The following MEGF11 variants were observed in gnomAD, a reference collection of about 807,000 sequenced individuals.
MEGF11 encodes multiple EGF like domains 11.
Under a neutral mutation model 146.6 loss-of-function variants are expected in MEGF11, and 126 were observed. The observed-to-expected ratio is 0.86, with a 90% CI of 0.74 to 1.00. The LOEUF (loss-of-function observed/expected upper bound fraction) is 1.00, where lower values mean the gene tolerates loss of function less well. Ranked by LOEUF, MEGF11 falls within the 50% of genes least tolerant of loss-of-function variation. The pLI is 0.00. For synonymous variants in MEGF11, 532 were observed against 583.4 expected, an observed-to-expected ratio of 0.91 and a Z score of 1.27; for missense variants, 1,509 against 1,521.2, an observed-to-expected ratio of 0.99 and a Z score of 0.13.
At chr15:66,195,994 G>T (rs939717970) in intron 1 of MEGF11, among the ~76,000 whole-genome samples, 1 of 152,198 alleles carries the variant, frequency 6.6e-6, no homozygotes, top group Admixed American at 6.5e-5. Context: ...TAACCAGAGC[G>T]GGGTAAGTGG....
chr15:66,077,595 CACTGCTTAG>C (rs2085646579), intron 5 of MEGF11, among the ~76,000 whole-genome samples: 1 of 152,246 alleles, frequency 6.6e-6, no homozygotes, highest in East Asian at 1.9e-4. Context: ...TTCCATGTAA[CACTGCTTAG>C]TACCTTCCAT....
intron 5 of MEGF11, among the ~76,000 whole-genome samples, chr15:66,055,222 T>A (rs547665058): frequency 6.6e-6 from 1 of 152,348 alleles, no homozygotes; most frequent in African/African-American, 2.4e-5. Flanking sequence ...AACCTTTAGA[T>A]TATTTTACGA....
At chr15:65,951,876 C>A (rs2080416094) in intron 10 of MEGF11, among the ~76,000 whole-genome samples, 1 of 151,826 alleles carries the variant, frequency 6.6e-6, no homozygotes, top group African/African-American at 2.4e-5. Context: ...GTGGTACATG[C>A]CTGTATTCTC....
chr15:66,139,609 TAAA>T (rs60872045), intron 1 of MEGF11, among the ~76,000 whole-genome samples: 16 of 142,900 alleles, frequency 1.1e-4, no homozygotes, highest in Admixed American at 2.0e-4. Flanking sequence ...CACAGTAGGA[TAAA>T]AAAAAAAAAA....
At chr15:66,247,449 G>T (rs117403624) in intron 1 of MEGF11, among the ~76,000 whole-genome samples, 2,624 of 152,244 alleles carry the variant, frequency 0.017, 50 homozygotes, top group Non-Finnish European at 0.028. Context: ...GAAAAACAGG[G>T]CTTAAAACGA....
intron 10 of MEGF11, among the ~76,000 whole-genome samples, chr15:65,949,455 G>A (rs1043014342): frequency 2.6e-5 from 4 of 152,234 alleles, no homozygotes; most frequent in African/African-American, 9.6e-5. Context: ...CCAGCATGCA[G>A]GGTTGAATAA....
chr15:66,017,690 G>C (rs980173966), intron 5 of MEGF11, among the ~76,000 whole-genome samples: 1 of 152,214 alleles, frequency 6.6e-6, no homozygotes, highest in Non-Finnish European at 1.5e-5. Context: ...AGGGGTCTGA[G>C]AAGCCGAAGC....
intron 5 of MEGF11, among the ~76,000 whole-genome samples, chr15:66,025,353 T>C (rs1185187946): frequency 6.6e-6 from 1 of 151,926 alleles, no homozygotes; most frequent in Non-Finnish European, 1.5e-5. Context: ...GCTTGGCTTA[T>C]TGAAACTCAT....
At chr15:65,988,426 T>C (rs2081936697) in intron 5 of MEGF11, among the ~76,000 whole-genome samples, 1 of 152,242 alleles carries the variant, frequency 6.6e-6, no homozygotes. Context: ...TTCATCCATG[T>C]TGTAGCCTGT....
chr15:65,994,989 G>A (rs1283398113), intron 5 of MEGF11, among the ~76,000 whole-genome samples: 1 of 152,224 alleles, frequency 6.6e-6, no homozygotes, highest in Non-Finnish European at 1.5e-5. Context: ...GCTGAAGGCT[G>A]GGCTTGCTAG....
At chr15:66,173,707 C>T (rs1484890796) in intron 1 of MEGF11, among the ~76,000 whole-genome samples, 1 of 152,198 alleles carries the variant, frequency 6.6e-6, no homozygotes, top group Non-Finnish European at 1.5e-5. Context: ...CTCCCCTCCC[C>T]AGGAAGGAGA....
At chr15:65,939,239 C>G (rs561107514) in intron 10 of MEGF11, among the ~76,000 whole-genome samples, 1 of 152,292 alleles carries the variant, frequency 6.6e-6, no homozygotes, top group South Asian at 2.1e-4. Context: ...GGAAGTTGGC[C>G]TGGCTCAGCT....
At chr15:66,245,169 T>G (rs2092277086) in intron 1 of MEGF11, among the ~76,000 whole-genome samples, 2 of 152,094 alleles carry the variant, frequency 1.3e-5, no homozygotes, top group Non-Finnish European at 2.9e-5. Flanking sequence ...AAGACAGAAC[T>G]TGAAGCTGAG....
At chr15:65,970,469 A>G in intron 8 of MEGF11, 84 bp downstream of exon 8, 3 of 1,436,952 alleles carry the variant, frequency 2.1e-6, no homozygotes, top group East Asian at 2.4e-5. Flanking sequence ...GCTGGCAGAG[A>G]GAGGGCTATG....
chr15:65,997,521 A>C (rs1381110306), intron 5 of MEGF11, among the ~76,000 whole-genome samples: 2 of 152,094 alleles, frequency 1.3e-5, no homozygotes, highest in Non-Finnish European at 2.9e-5. Context: ...TACCCTTTCC[A>C]AGCTCTCTCC....
intron 1 of MEGF11, among the ~76,000 whole-genome samples, chr15:66,169,222 A>AT (rs2090179669): frequency 6.6e-6 from 1 of 152,216 alleles, no homozygotes; most frequent in African/African-American, 2.4e-5. Context: ...CTCAATACAC[A>AT]TTCGCTGAAG....
chr15:65,982,390 C>G lies in MEGF11; in HGVS notation c.493G>C (p.Ala165Pro). The change falls in exon 6 of 26, where the codon GCC (alanine) becomes CCC (proline). Residue 165 changes from alanine (A) to proline (P), a missense_variant. Ala to Pro is a conservative substitution (Grantham distance 27). Coordinates refer to ENST00000395614, the MANE Select transcript of MEGF11 (RefSeq NM_001385028.1). This position sits in a 1 kb window ranked among gnomAD's most constrained non-coding sequence, Gnocchi z 5.6. The part of the protein sequence containing the change: ...NPITGACVCA[A>P]GFRGWRCEEL... ...TCGCAGCGCCATCCACGGAAGCCGG[C>G]GGCGCACACGCAGGCGCCTGTGATG... 2.0e-6 allele frequency: 3 copies of G among 1,531,640 alleles called. No homozygotes were observed. Among genetic ancestry groups the G allele is most frequent in the South Asian group, 1.2e-5 (1 of 82,624 alleles). 94.9% of individuals were successfully genotyped at this position (1,531,640 alleles called of 1,614,324 possible).
chr15:65,928,464 G>C lies in MEGF11; in HGVS notation c.1636C>G (p.Pro546Ala). The C allele has an allele frequency of 1.2e-6, 2 of 1,604,182 alleles. No individual in the cohort carries two copies. The highest frequency in any genetic ancestry group is 1.7e-6 in the Non-Finnish European group (2 of 1,174,254). The change falls in exon 13 of 26, where the codon CCC (proline) becomes GCC (alanine). Residue 546 changes from proline to alanine, a missense_variant. Pro to Ala is a conservative substitution (Grantham distance 27). Coordinates refer to ENST00000395614, the MANE Select transcript of MEGF11 (RefSeq NM_001385028.1). ...CDCSHADGCD[P>A]VTGHCCCLAG... ...AGGCAGCAGCAGTGGCCTGTGACGG[G>C]GTCACATCCATCAGCATGGCTGCAG... is the stretch of plus-strand genomic sequence containing the variant.
At chr15:65,904,522 T>C (rs2078572454) in intron 24 of MEGF11, among the ~76,000 whole-genome samples, 1 of 152,194 alleles carries the variant, frequency 6.6e-6, no homozygotes, top group Non-Finnish European at 1.5e-5. Flanking sequence ...CAGAATGCAG[T>C]ACTTACCACC....
Sources: allele counts gnomAD v4.1 joint callset (sites outside exome capture counted in the v4.1 genomes callset), GRCh38; gene constraint gnomAD v4.1.1; non-coding constraint Gnocchi (gnomAD v3.1); transcripts MANE v1.5; gene names NCBI Gene and HGNC (gene_info 2026-07-23, HGNC 2026-07-21).